The following TPP2 variants were observed in gnomAD, a reference collection of about 807,000 sequenced individuals.
The protein encoded by TPP2 is tripeptidyl peptidase 2, also known as tripeptidyl-peptidase 2.
TPP2 carries 34 observed loss-of-function variants against 155.9 expected under a neutral mutation model. The ratio of observed to expected loss-of-function variants is 0.22; its 90% CI spans 0.17 to 0.29. The LOEUF is 0.29. Among genes scored for constraint, TPP2 ranks in the 10% least tolerant of loss-of-function variants. The probability of loss-of-function intolerance (pLI) is 1.00; values close to 1 mark genes in which losing one functional copy is unlikely to be tolerated. For synonymous variants in TPP2, 510 were observed against 529.4 expected (o/e 0.96, Z 0.50); for missense variants, 1,028 against 1,522.3 (o/e 0.68, Z 5.40).
rs538453932 is a variant in TPP2, at chr13:102,674,374, G to A, written c.3463G>A (p.Asp1155Asn). Residue 1155 changes from aspartate (D) to asparagine (N), a missense_variant, in exon 28 of 30, where the codon GAC (aspartate) becomes AAC (asparagine). This residue lies in a region of TPP2 where 116 missense variants were observed against 117.3 expected (regional missense o/e 0.99). Transcript: ENST00000376052. The stretch of plus-strand genomic sequence containing the variant: ...CCATCTTCTTCACACCCAGGCTCAA[G>A]ACGGAGCCATTTCCACTGATGCAGA... ...ADHLLHTQAQDGAISTDAEGK... is the reference protein window; with the variant it reads ...ADHLLHTQAQNGAISTDAEGK... 1 of 1,613,970 alleles carries A rather than the reference G, an allele frequency of 6.2e-7. No homozygotes were observed. Among genetic ancestry groups the A allele is most frequent in the South Asian group, 1.1e-5 (1 of 91,064 alleles).
At chr13:102,670,173 G>GA (rs1476462716) in intron 27 of TPP2, among the ~76,000 whole-genome samples, 16 of 151,812 alleles carry the variant, frequency 1.1e-4, no homozygotes, top group Non-Finnish European at 1.6e-4. Context: ...ATTGTGGGTG[G>GA]GGGGGTGTGG....
chr13:102,669,477 A>G (rs1243276162), intron 27 of TPP2, among the ~76,000 whole-genome samples: 1 of 152,232 alleles, frequency 6.6e-6, no homozygotes, highest in Non-Finnish European at 1.5e-5. Context: ...TATTGAGCAG[A>G]CTTTCCAGGA....
intron 9 of TPP2, 113 bp downstream of exon 9, chr13:102,629,722 T>G: frequency 1.5e-6 from 2 of 1,367,674 alleles, no homozygotes; most frequent in Non-Finnish European, 1.9e-6. Flanking sequence ...ACACCTTAAG[T>G]GTGTCCTCAG....
chr13:102,642,239 G>C (rs1316283933), intron 16 of TPP2, among the ~76,000 whole-genome samples: 4 of 152,162 alleles, frequency 2.6e-5, no homozygotes, highest in East Asian at 1.9e-4. Context: ...AGTCAGAGTT[G>C]CTGTGTTCAG....
At chr13:102,667,345 T>A (rs1484240169) in intron 27 of TPP2, among the ~76,000 whole-genome samples, 1 of 152,208 alleles carries the variant, frequency 6.6e-6, no homozygotes, top group Non-Finnish European at 1.5e-5. Flanking sequence ...CTAACTAGAT[T>A]TGATTTCAAG....
intron 25 of TPP2, among the ~76,000 whole-genome samples, chr13:102,662,706 G>A (rs934601129): frequency 3.3e-5 from 5 of 151,860 alleles, no homozygotes; most frequent in Admixed American, 6.6e-5. Flanking sequence ...TCAAAATCCC[G>A]GTCAACCTTA....
intron 9 of TPP2, 45 bp from the exon 10 acceptor site, chr13:102,630,051 A>T (rs767288568): frequency 1.3e-6 from 2 of 1,532,834 alleles, no homozygotes; most frequent in Admixed American, 1.7e-5. Flanking sequence ...TGGAATCAGG[A>T]TCCCCGTTTG....
intron 24 of TPP2, among the ~76,000 whole-genome samples, chr13:102,653,210 T>G (rs1046603785): frequency 6.6e-6 from 1 of 152,208 alleles, no homozygotes; most frequent in Non-Finnish European, 1.5e-5. Context: ...ATAATTAGTA[T>G]TACAGTTTTA....
intron 7 of TPP2, among the ~76,000 whole-genome samples, chr13:102,627,539 T>A (rs1230132519): frequency 6.6e-6 from 1 of 151,972 alleles, no homozygotes; most frequent in Non-Finnish European, 1.5e-5. Flanking sequence ...ATATTTAATT[T>A]TAGTGATTTT....
At chr13:102,627,629 T>G (rs1213603608) in intron 7 of TPP2, among the ~76,000 whole-genome samples, 11 of 150,112 alleles carry the variant, frequency 7.3e-5, no homozygotes, top group Admixed American at 6.6e-4. Context: ...GCTAGTTTTT[T>G]GTTTTTTTTT....
chr13:102,628,778 A>G (rs559449662), intron 8 of TPP2, among the ~76,000 whole-genome samples: 52 of 151,916 alleles, frequency 3.4e-4, no homozygotes, highest in African/African-American at 1.1e-3. Context: ...GAGTCATTTC[A>G]TTCTTCCCTC....
chr13:102,615,669 C>CA (rs1380338141), intron 3 of TPP2, among the ~76,000 whole-genome samples: 1 of 152,124 alleles, frequency 6.6e-6, no homozygotes, highest in East Asian at 1.9e-4. Flanking sequence ...AGGATGCCTG[C>CA]ATTGTCTGTC....
chr13:102,607,523 C>T lies in TPP2; in HGVS notation c.294+2602C>T, dbSNP rs553931856. On this transcript the variant is annotated intron_variant, in intron 2 of 29. Transcript: ENST00000376052. ...CTGTGAGCTATGGTACTCTGAGAAG[C>T]TAGAGAGAATTCCTAGTAAGTCTTG... is the stretch of plus-strand genomic sequence containing the variant. 5.0e-5 allele frequency: 11 copies of T among 218,460 alleles called. No homozygotes were observed. In the East Asian group the frequency reaches 1.2e-3, roughly 25 times the overall value. The allele number at this position is 218,460 out of a possible 1,614,324, so 13.5% of individuals were successfully genotyped here.
intron 15 of TPP2, among the ~76,000 whole-genome samples, chr13:102,640,006 G>C (rs1882647799): frequency 6.6e-6 from 1 of 152,140 alleles, no homozygotes; most frequent in Non-Finnish European, 1.5e-5. Flanking sequence ...AAAAGAGAAT[G>C]CTTTTTTAAT....
Position 102,600,269 on chromosome 13 carries a change from G to A in TPP2, c.165+3066G>A, listed in dbSNP as rs143721825. On this transcript the variant is annotated intron_variant, in intron 1 of 29. Coordinates refer to ENST00000376052, the MANE Select transcript of TPP2 (RefSeq NM_001330588.2). ...GCCAATACATGCCTTTACATGTGGC[G>A]TTTCATCTTCCGTCAGGCTTCTACC... Among the ~76,000 whole-genome samples the A allele has an allele frequency of 8.3e-4, 127 of 152,150 alleles. 1 individual carries two copies. Among genetic ancestry groups the A allele is most frequent in the East Asian group, 3.3e-3 (17 of 5,184 alleles).
chr13:102,678,467 T>A lies in TPP2; in HGVS notation c.*151T>A. 1.6e-6 allele frequency: 1 copy of A among 618,954 alleles called. No homozygotes were observed. 38.3% of individuals were successfully genotyped at this position (618,954 alleles called of 1,614,324 possible). The stretch of plus-strand genomic sequence containing the variant: ...GACATGTATTTATCAGAGAATTCAC[T>A]GACGTGTGGCTTAATACATGTAAAT... On this transcript the variant is annotated 3_prime_UTR_variant, in exon 30 of 30. Coordinates refer to ENST00000376052, the MANE Select transcript of TPP2 (RefSeq NM_001330588.2).
chr13:102,618,554 G>C (rs1270355188), intron 4 of TPP2, among the ~76,000 whole-genome samples, 168 bp from the exon 5 acceptor site: 4 of 152,158 alleles, frequency 2.6e-5, no homozygotes, highest in Non-Finnish European at 4.4e-5. Context: ...ATGGGTATCT[G>C]CTTCATTGAA....
chr13:102,657,756 A>G (rs766174120), intron 25 of TPP2, among the ~76,000 whole-genome samples: 9 of 152,134 alleles, frequency 5.9e-5, no homozygotes, highest in Non-Finnish European at 1.2e-4. Context: ...CATAAAGGTG[A>G]TTTTTTAAAA....
intron 29 of TPP2, among the ~76,000 whole-genome samples, chr13:102,677,627 G>T (rs1262780748): frequency 1.3e-5 from 2 of 152,152 alleles, no homozygotes; most frequent in African/African-American, 4.8e-5. Flanking sequence ...ACTCTGGCTG[G>T]ATGGAATGTC....
Sources: allele counts gnomAD v4.1 joint callset (sites outside exome capture counted in the v4.1 genomes callset), GRCh38; gene constraint gnomAD v4.1.1; regional missense constraint gnomAD v4.1.1; transcripts MANE v1.5; gene names NCBI Gene and HGNC (gene_info 2026-07-23, HGNC 2026-07-21).